CEP164: variants seen among roughly 807,000 people sequenced by gnomAD.
The protein encoded by CEP164 is centrosomal protein of 164 kDa.
Under a neutral mutation model 182.7 loss-of-function variants are expected in CEP164, and 162 were observed. The observed-to-expected ratio is 0.89, with a 90% CI of 0.78 to 1.01. The LOEUF (loss-of-function observed/expected upper bound fraction) is 1.01, where lower values mean the gene tolerates loss of function less well. CEP164 is among the 50% of genes least tolerant of loss of function. CEP164 has a pLI of 0.00. For synonymous variants in CEP164, 661 were observed against 690.0 expected (o/e 0.96, Z 0.66); for missense variants, 1,735 against 1,790.4 (o/e 0.97, Z 0.56).
intron 8 of CEP164, among the ~76,000 whole-genome samples, chr11:117,366,959 A>G (rs143055535): frequency 2.6e-3 from 403 of 152,318 alleles, no homozygotes; most frequent in African/African-American, 9.4e-3. Flanking sequence ...TTGAAAAAGC[A>G]GCAGAAATGT....
At chr11:117,388,913 C>T (rs1482488389) in intron 15 of CEP164, among the ~76,000 whole-genome samples, 1 of 151,850 alleles carries the variant, frequency 6.6e-6, no homozygotes, top group East Asian at 1.9e-4. Flanking sequence ...CTACAGGCGC[C>T]TGCCACCATG....
At chr11:117,377,109 C>T (rs1327694889) in intron 11 of CEP164, among the ~76,000 whole-genome samples, 1 of 152,210 alleles carries the variant, frequency 6.6e-6, no homozygotes, top group Non-Finnish European at 1.5e-5. Context: ...AGGTGGCCAT[C>T]CCTGGCAGAG....
In CEP164 at chr11:117,381,830, C is replaced by A; in HGVS notation, c.1539C>A (p.Asp513Glu). 2 of 1,536,728 alleles carry A rather than the reference C, an allele frequency of 1.3e-6. No homozygotes were observed. Among genetic ancestry groups the A allele is most frequent in the Non-Finnish European group, 1.8e-6 (2 of 1,141,014 alleles). Reference protein sequence around the residue: ...EWKEAEELGEDSAASLSLQLS... With the variant: ...EWKEAEELGEESAASLSLQLS... ...AGGAGGCAGAGGAGCTTGGGGAGGA[C>A]TCTGCAGCCAGCCTCAGCCTGCAGC... The change falls in exon 13 of 33, where the codon GAC (aspartate) becomes GAA (glutamate). Residue 513 changes from aspartate (D) to glutamate (E), a missense_variant. Asp to Glu is a conservative substitution (Grantham distance 45). Coordinates refer to ENST00000278935, the MANE Select transcript of CEP164 (RefSeq NM_014956.5).
chr11:117,368,399 A>T (rs1428384864), intron 8 of CEP164, among the ~76,000 whole-genome samples: 2 of 152,212 alleles, frequency 1.3e-5, no homozygotes. Context: ...AGAGGCAGGC[A>T]GGAGCTGGGC....
intron 27 of CEP164, among the ~76,000 whole-genome samples, chr11:117,404,477 C>T (rs761928243): frequency 6.6e-6 from 1 of 152,204 alleles, no homozygotes; most frequent in African/African-American, 2.4e-5. Flanking sequence ...ATATCACCAG[C>T]GGAGGCTGCA....
intron 5 of CEP164, chr11:117,356,662 G>A: frequency 8.1e-7 from 1 of 1,230,776 alleles, no homozygotes; most frequent in Non-Finnish European, 1.0e-6. Context: ...AACTTGGCAG[G>A]GAGGGAGCAG....
At chr11:117,332,380 G>A (rs921055281) in intron 1 of CEP164, among the ~76,000 whole-genome samples, 5 of 152,212 alleles carry the variant, frequency 3.3e-5, no homozygotes, top group East Asian at 1.9e-4. Context: ...GTCGAGACCA[G>A]CCTGACCAAC....
Position 117,409,863 on chromosome 11 carries a change from A to G in CEP164, c.3994A>G (p.Thr1332Ala), listed in dbSNP as rs1168594184. ...SALSSATPTS[T>A]QWAWDSGQGP... ...CTTATCATCTGCTACACCCACGTCC[A>G]CCCAATGGGCCTGGGATTCAGGGCA... is the stretch of plus-strand genomic sequence containing the variant. Residue 1332 changes from threonine to alanine, a missense_variant, in exon 30 of 33, where the codon ACC (threonine) becomes GCC (alanine). Coordinates refer to ENST00000278935, the MANE Select transcript of CEP164 (RefSeq NM_014956.5). The surrounding 1 kb of genome is among the most constrained non-coding windows in gnomAD (Gnocchi z 4.4). 3 of 1,572,222 alleles carry G rather than the reference A, an allele frequency of 1.9e-6. No homozygotes were observed. The highest frequency in any genetic ancestry group is 2.6e-6 in the Non-Finnish European group (3 of 1,168,872).
intron 27 of CEP164, among the ~76,000 whole-genome samples, chr11:117,402,506 A>G (rs1318596573): frequency 6.6e-6 from 1 of 152,086 alleles, no homozygotes; most frequent in African/African-American, 2.4e-5. Flanking sequence ...GCCCTGAGCC[A>G]CCACACCCAG....
At chr11:117,324,942 C>T (rs1447395852), upstream of CEP164, among the ~76,000 whole-genome samples, 4 of 152,146 alleles carry the variant, frequency 2.6e-5, no homozygotes, top group African/African-American at 9.7e-5. Context: ...GCAAAGATTG[C>T]AAATTCTTAG....
intron 4 of CEP164, among the ~76,000 whole-genome samples, chr11:117,347,664 C>T (rs1038571441): frequency 6.7e-6 from 1 of 150,090 alleles, no homozygotes; most frequent in African/African-American, 2.5e-5. Context: ...GAGCCGAGAT[C>T]GTGCCATTGC....
chr11:117,373,713 C>T (rs2042456358), intron 9 of CEP164, 38 bp from the exon 10 acceptor site: 4 of 1,578,982 alleles, frequency 2.5e-6, no homozygotes, highest in Non-Finnish European at 3.5e-6. Flanking sequence ...TCTTTGTGCT[C>T]TGCTCTGAGG....
chr11:117,363,576 C>T (rs762277597), intron 8 of CEP164, 70 bp downstream of exon 8: 21 of 1,137,412 alleles, frequency 1.8e-5, no homozygotes, highest in Non-Finnish European at 2.6e-5. Flanking sequence ...TTAAGCCCTG[C>T]TACTTTGTTG....
chr11:117,361,777 G>T, intron 5 of CEP164, 58 bp from the exon 6 acceptor site: 1 of 1,587,304 alleles, frequency 6.3e-7, no homozygotes, highest in South Asian at 1.1e-5. Flanking sequence ...ATCTGTCTCC[G>T]ACACTCCCAG....
At chr11:117,384,627 C>T (rs1296479252) in intron 14 of CEP164, 1 of 152,274 alleles carries the variant, frequency 6.6e-6, no homozygotes, top group Non-Finnish European at 1.5e-5. Flanking sequence ...TCCCGCCATC[C>T]CAGCGAGGCT....
intron 5 of CEP164, among the ~76,000 whole-genome samples, chr11:117,352,220 G>C (rs2039725997): frequency 6.6e-6 from 1 of 152,158 alleles, no homozygotes; most frequent in African/African-American, 2.4e-5. Flanking sequence ...CACTTGGGAA[G>C]TGCATGTTAC....
intron 27 of CEP164, 150 bp from the exon 28 acceptor site, chr11:117,407,775 C>A: frequency 1.8e-6 from 1 of 561,648 alleles, no homozygotes; most frequent in Non-Finnish European, 3.3e-6. Flanking sequence ...GTAATTCTTA[C>A]GACCCTGTGA....
At chr11:117,380,228 T>G (rs2043174233) in intron 11 of CEP164, among the ~76,000 whole-genome samples, 1 of 152,152 alleles carries the variant, frequency 6.6e-6, no homozygotes, top group Non-Finnish European at 1.5e-5. Flanking sequence ...AATCTGGGCC[T>G]CTGTGGATTT....
chr11:117,356,479 C>T (rs1043734340), intron 5 of CEP164: 2 of 1,285,202 alleles, frequency 1.6e-6, no homozygotes, highest in African/African-American at 3.0e-5. Flanking sequence ...AGGAGGTGGC[C>T]CTCGCCCCTG....
Sources: allele counts gnomAD v4.1 joint callset (sites outside exome capture counted in the v4.1 genomes callset), GRCh38; gene constraint gnomAD v4.1.1; non-coding constraint Gnocchi (gnomAD v3.1); transcripts MANE v1.5; gene names NCBI Gene and HGNC (gene_info 2026-07-23, HGNC 2026-07-21).